Variants in LSM12 observed in about 807,000 individuals in gnomAD.
LSM12 encodes the protein protein LSM12.
For missense variants in LSM12, 108 were observed against 238.9 expected (o/e 0.45, Z 3.61); for synonymous variants, 74 against 87.3 (o/e 0.85, Z 0.85).
At chr17:44,060,308 A>T (rs575513165) in intron 2 of LSM12, among the ~76,000 whole-genome samples, 114 of 152,328 alleles carry the variant, frequency 7.5e-4, no homozygotes, top group Non-Finnish European at 1.4e-3. Flanking sequence ...CTCCATCTTA[A>T]GAAAAACTCA....
At chr17:44,046,324 ATAAC>A (rs1229863317) in intron 2 of LSM12, among the ~76,000 whole-genome samples, 5 of 152,194 alleles carry the variant, frequency 3.3e-5, no homozygotes, top group Non-Finnish European at 5.9e-5. Flanking sequence ...TGTTAGGTAG[ATAAC>A]TAAGAGTAGA....
intron 1 of LSM12, among the ~76,000 whole-genome samples, chr17:44,065,790 G>A (rs1482806127): frequency 2.6e-5 from 4 of 151,922 alleles, no homozygotes; most frequent in African/African-American, 9.7e-5. Flanking sequence ...GCCCTCTCTG[G>A]AACAGGTTTC....
intron 1 of LSM12, among the ~76,000 whole-genome samples, chr17:44,065,284 T>C (rs1270078998): frequency 6.9e-6 from 1 of 145,036 alleles, no homozygotes; most frequent in Admixed American, 6.9e-5. Context: ...AAAAAACATA[T>C]ACAAAAATTA....
At position 44,039,771 on chromosome 17, in the gene LSM12, T is replaced by C. The variant is rs537474308; in HGVS notation, c.368+376A>G. ...TACAATGGGAAAAGTGATATAGATA[T>C]AACTTTCCCTTAATAAAAACTGCAT... is the stretch of plus-strand genomic sequence containing the variant. On this transcript the variant is annotated intron_variant, in intron 3 of 4. Coordinates refer to ENST00000293406, the MANE Select transcript of LSM12 (RefSeq NM_001371445.1). Among the ~76,000 whole-genome samples the C allele has an allele frequency of 1.8e-4, 28 of 152,316 alleles. 1 individual carries two copies. Among genetic ancestry groups the C allele is most frequent in the Middle Eastern group, 6.8e-3 (2 of 294 alleles).
intron 2 of LSM12, among the ~76,000 whole-genome samples, chr17:44,042,802 C>T (rs2049512398): frequency 6.6e-6 from 1 of 152,076 alleles, no homozygotes; most frequent in Non-Finnish European, 1.5e-5. Flanking sequence ...CTCCTGACCT[C>T]GTGATCCACC....
chr17:44,056,692 C>T (rs1272314407), intron 2 of LSM12, among the ~76,000 whole-genome samples: 1 of 144,258 alleles, frequency 6.9e-6, no homozygotes, highest in Non-Finnish European at 1.5e-5. Flanking sequence ...AACTCCTCTC[C>T]AAAAAAAGAA....
chr17:44,041,234 G>A (rs1290317892), intron 2 of LSM12, among the ~76,000 whole-genome samples: 1 of 143,078 alleles, frequency 7.0e-6, no homozygotes, highest in Non-Finnish European at 1.5e-5. Flanking sequence ...TCATGCTACT[G>A]TACTCCAGCC....
intron 2 of LSM12, among the ~76,000 whole-genome samples, chr17:44,050,252 C>A (rs1042158576): frequency 4.0e-5 from 6 of 151,326 alleles, no homozygotes; most frequent in African/African-American, 1.5e-4. Context: ...GACATGTGGA[C>A]ACCATGCCCG....
At chr17:44,039,365 CTTTTTTTTT>C (rs35411238) in intron 3 of LSM12, among the ~76,000 whole-genome samples, 9 of 51,056 alleles carry the variant, frequency 1.8e-4, no homozygotes, top group African/African-American at 1.7e-4. Context: ...AACAAAATGT[CTTTTTTTTT>C]TTTTTTTTTT....
chr17:44,057,708 G>A (rs1475202865), intron 2 of LSM12, among the ~76,000 whole-genome samples: 1 of 151,372 alleles, frequency 6.6e-6, no homozygotes, highest in Non-Finnish European at 1.5e-5. Flanking sequence ...GCAGTGAGCT[G>A]AGACAGCACT....
intron 2 of LSM12, 109 bp downstream of exon 2, chr17:44,063,692 T>G: frequency 1.6e-6 from 2 of 1,254,572 alleles, no homozygotes; most frequent in South Asian, 2.4e-5. Flanking sequence ...ACAAACAATT[T>G]TAAGTCAATT....
At chr17:44,057,566 C>T (rs1405480163) in intron 2 of LSM12, among the ~76,000 whole-genome samples, 2 of 149,710 alleles carry the variant, frequency 1.3e-5, no homozygotes, top group African/African-American at 4.9e-5. Flanking sequence ...TCAAGACCAC[C>T]CTGGCCAAGA....
chr17:44,036,560 G>T (rs934164323), intron 4 of LSM12, among the ~76,000 whole-genome samples: 1 of 152,034 alleles, frequency 6.6e-6, no homozygotes, highest in Non-Finnish European at 1.5e-5. Flanking sequence ...ATATAATAAG[G>T]GGAGATTATC....
chr17:44,067,083 T>A (rs928307550), upstream of LSM12, among the ~76,000 whole-genome samples: 6 of 152,262 alleles, frequency 3.9e-5, no homozygotes, highest in East Asian at 1.2e-3. Flanking sequence ...GTGGATCACC[T>A]GAGGTCAGGG....
intron 2 of LSM12, among the ~76,000 whole-genome samples, chr17:44,054,996 GC>G (rs2049692749): frequency 6.6e-6 from 1 of 151,744 alleles, no homozygotes; most frequent in Non-Finnish European, 1.5e-5. Flanking sequence ...GTGCCACCAC[GC>G]CCGGCTAATT....
intron 2 of LSM12, among the ~76,000 whole-genome samples, chr17:44,042,308 T>C (rs1233412943): frequency 1.3e-5 from 2 of 151,612 alleles, no homozygotes; most frequent in African/African-American, 4.8e-5. Context: ...GGGGGAGCCA[T>C]ACCTACAGCA....
rs199933429 is a variant in LSM12, at chr17:44,066,081, CATA to C, written c.124+380_124+382del. Reference sequence around the variant, plus strand: ...GTTCCTTACCCTAAACACCCCTCCCCATAATATTTCACCCGCCCCTCCTTTCCA... The same window carrying C: ...GTTCCTTACCCTAAACACCCCTCCCCATATTTCACCCGCCCCTCCTTTCCA... On this transcript the variant is annotated intron_variant, in intron 1 of 4. Transcript: ENST00000293406. Among the ~76,000 whole-genome samples, 725 of 152,148 alleles carry C rather than the reference CATA, an allele frequency of 4.8e-3. 2 individuals are homozygous for C. Among genetic ancestry groups the C allele is most frequent in the Middle Eastern group, 0.024 (7 of 294 alleles).
intron 2 of LSM12, among the ~76,000 whole-genome samples, chr17:44,051,608 T>TA (rs1458134721): frequency 6.6e-6 from 1 of 151,748 alleles, no homozygotes; most frequent in African/African-American, 2.4e-5. Context: ...AGTTAGGAAC[T>TA]AAAAAAATAC....
chr17:44,057,694 G>A (rs2049736031), intron 2 of LSM12, among the ~76,000 whole-genome samples: 1 of 151,594 alleles, frequency 6.6e-6, no homozygotes, highest in African/African-American at 2.4e-5. Flanking sequence ...GGGAGGCAGA[G>A]GTTGCAGTGA....
Sources: allele counts gnomAD v4.1 joint callset (sites outside exome capture counted in the v4.1 genomes callset), GRCh38; gene constraint gnomAD v4.1.1; transcripts MANE v1.5; gene names NCBI Gene and HGNC (gene_info 2026-07-23, HGNC 2026-07-21).